Variants in TLL1 observed in about 807,000 individuals in gnomAD.
TLL1 encodes the protein tolloid-like protein 1.
In TLL1, 49 loss-of-function variants were observed where a neutral mutation model predicts 128.2. That is an observed-to-expected ratio of 0.38 (90% CI 0.30 to 0.48). The LOEUF (loss-of-function observed/expected upper bound fraction) is 0.48. Ranked by LOEUF, TLL1 falls within the 20% of genes least tolerant of loss-of-function variation. TLL1 has a pLI of 0.96. For missense variants in TLL1, 1,123 were observed against 1,242.0 expected, an observed-to-expected ratio of 0.90 and a Z score of 1.44; for synonymous variants, 454 against 418.8, an observed-to-expected ratio of 1.08 and a Z score of -1.03.
At chr4:165,974,162 A>T (rs1352878819) in intron 1 of TLL1, among the ~76,000 whole-genome samples, 2 of 10,884 alleles carry the variant, frequency 1.8e-4, no homozygotes, top group Non-Finnish European at 1.7e-4. Context: ...TTTTTTTGAG[A>T]CGGAGTCTCG....
chr4:166,055,561 A>C (rs28494668), intron 13 of TLL1, among the ~76,000 whole-genome samples: 18,913 of 152,174 alleles, frequency 0.12, 2,335 homozygotes, highest in African/African-American at 0.32. Context: ...ATTTGCAATG[A>C]AAATAACCAA....
At chr4:165,984,209 T>C (rs1208660810) in intron 1 of TLL1, among the ~76,000 whole-genome samples, 1 of 151,888 alleles carries the variant, frequency 6.6e-6, no homozygotes, top group Non-Finnish European at 1.5e-5. Context: ...ATAAAATATG[T>C]TTGTATTTAT....
At chr4:166,053,806 T>C (rs1739872140) in intron 12 of TLL1, among the ~76,000 whole-genome samples, 1 of 152,192 alleles carries the variant, frequency 6.6e-6, no homozygotes, top group South Asian at 2.1e-4. Flanking sequence ...CAACATTTGA[T>C]ACTTTTCTTG....
At chr4:166,043,874 T>C (rs1739345485) in intron 12 of TLL1, among the ~76,000 whole-genome samples, 1 of 152,212 alleles carries the variant, frequency 6.6e-6, no homozygotes, top group East Asian at 1.9e-4. Flanking sequence ...ATTTTAAGTG[T>C]TCTTACGAGC....
At chr4:165,964,918 C>T (rs1021573680) in intron 1 of TLL1, among the ~76,000 whole-genome samples, 3 of 151,904 alleles carry the variant, frequency 2.0e-5, no homozygotes, top group Non-Finnish European at 4.4e-5. Context: ...GACTGAGTGA[C>T]AGAGTAAGAC....
intron 12 of TLL1, among the ~76,000 whole-genome samples, chr4:166,045,854 T>G (rs946121927): frequency 6.6e-6 from 1 of 152,200 alleles, no homozygotes; most frequent in Non-Finnish European, 1.5e-5. Flanking sequence ...TTTGGATCTC[T>G]GCTTAATTAC....
chr4:166,048,474 G>C (rs1364223556), intron 12 of TLL1, among the ~76,000 whole-genome samples: 1 of 152,136 alleles, frequency 6.6e-6, no homozygotes, highest in Non-Finnish European at 1.5e-5. Flanking sequence ...TCCTCTGGTA[G>C]TTATTGGATA....
chr4:166,040,167 T>G (rs1470613730), intron 10 of TLL1, among the ~76,000 whole-genome samples: 1 of 152,240 alleles, frequency 6.6e-6, no homozygotes, highest in Non-Finnish European at 1.5e-5. Context: ...AACTTTTTCT[T>G]TACTTTTAGA....
chr4:166,025,204 GACAA>G (rs1738434828), intron 8 of TLL1, 108 bp from the exon 9 acceptor site: 2 of 742,230 alleles, frequency 2.7e-6, no homozygotes, highest in East Asian at 5.3e-5. Context: ...TTCTATAAAA[GACAA>G]ACATTTAGTC....
intron 1 of TLL1, among the ~76,000 whole-genome samples, chr4:165,924,058 C>A (rs1451694019): frequency 6.6e-6 from 1 of 152,110 alleles, no homozygotes. Flanking sequence ...ACTTACCAAC[C>A]ATTTTCCAGT....
chr4:166,085,307 G>A (rs57014223), intron 18 of TLL1, among the ~76,000 whole-genome samples: 1,967 of 150,842 alleles, frequency 0.013, 49 homozygotes, highest in African/African-American at 0.045. Context: ...AGGACCTCCG[G>A]TACTATACTG....
intron 13 of TLL1, among the ~76,000 whole-genome samples, chr4:166,055,596 G>A (rs922859122): frequency 1.3e-5 from 2 of 152,008 alleles, no homozygotes; most frequent in African/African-American, 4.8e-5. Context: ...ACAGAAGAAG[G>A]TTACTGACAT....
chr4:166,047,544 GGACC>G (rs1344103299), intron 12 of TLL1, among the ~76,000 whole-genome samples: 215 of 150,292 alleles, frequency 1.4e-3, no homozygotes, highest in Non-Finnish European at 2.6e-3. Flanking sequence ...TCAGATATAA[GGACC>G]ATGAAGATAA....
At chr4:166,089,935 C>T (rs1212036722) in intron 18 of TLL1, among the ~76,000 whole-genome samples, 3 of 151,972 alleles carry the variant, frequency 2.0e-5, no homozygotes, top group Admixed American at 2.0e-4. Context: ...CCTCCGAAGT[C>T]AGAAGTGATA....
chr4:165,887,540 GT>G (rs1286474040), intron 1 of TLL1, among the ~76,000 whole-genome samples: 1 of 152,178 alleles, frequency 6.6e-6, no homozygotes, highest in Non-Finnish European at 1.5e-5. Context: ...CTAAGTTTGT[GT>G]TTTGTAAAGC....
intron 1 of TLL1, among the ~76,000 whole-genome samples, chr4:165,942,055 G>T (rs572764399): frequency 4.1e-4 from 62 of 152,182 alleles, no homozygotes; most frequent in Admixed American, 1.4e-3. Context: ...ATGGAAATGG[G>T]CACTCAGAGA....
chr4:165,995,149 TTACATTGTATTCA>T lies in TLL1; in HGVS notation c.604_616del (p.Tyr202ProfsTer11). The T allele has an allele frequency of 6.2e-7, 1 of 1,613,696 alleles. No homozygotes were observed. The highest frequency in any genetic ancestry group is 1.1e-5 in the South Asian group (1 of 91,066). ...TCATAGAAAGAAGTGATGAAGAGAG[TTACATTGTATTCA>T]CCTATAGGCCTTGTGGGTAAGTAGA... On this transcript the variant is annotated frameshift_variant, in exon 5 of 21. Coordinates refer to ENST00000061240, the MANE Select transcript of TLL1 (RefSeq NM_012464.5). LOFTEE classifies it high-confidence loss of function.
At chr4:166,049,686 ATAT>A (rs1263287456) in intron 12 of TLL1, among the ~76,000 whole-genome samples, 8 of 150,548 alleles carry the variant, frequency 5.3e-5, no homozygotes, top group Admixed American at 1.3e-4. Flanking sequence ...CTACTAATAA[ATAT>A]TATTAAATAA....
At chr4:165,889,058 G>T in intron 1 of TLL1, among the ~76,000 whole-genome samples, 1 of 152,080 alleles carries the variant, frequency 6.6e-6, no homozygotes. Flanking sequence ...GATACATTCA[G>T]GGCTTTAAAA....
Sources: gnomAD v4.1 joint callset for allele counts (sites outside exome capture counted in the v4.1 genomes callset) on GRCh38, gnomAD v4.1.1 for gene constraint, MANE v1.5 for transcripts, NCBI Gene and HGNC (gene_info 2026-07-23, HGNC 2026-07-21) for gene names.